The following PCDHGA11 variants were observed in gnomAD, a reference collection of about 807,000 sequenced individuals.
PCDHGA11 encodes the protein protocadherin gamma subfamily A, 11, also known as protocadherin gamma-A11.
Under a neutral mutation model 60.4 loss-of-function variants are expected in PCDHGA11, and 39 were observed. That is an observed-to-expected ratio of 0.65 (90% CI 0.50 to 0.84). The LOEUF is 0.84. PCDHGA11 is among the 40% of genes least tolerant of loss of function. PCDHGA11 has a pLI of 0.00. For synonymous variants in PCDHGA11, 533 were observed against 510.3 expected, an observed-to-expected ratio of 1.04 and a Z score of -0.60; for missense variants, 1,165 against 1,197.7, an observed-to-expected ratio of 0.97 and a Z score of 0.40.
intron 1 of PCDHGA11, among the ~76,000 whole-genome samples, chr5:141,439,043 G>T (rs1688170264): frequency 6.6e-6 from 1 of 151,346 alleles, no homozygotes; most frequent in Non-Finnish European, 1.5e-5. Flanking sequence ...CAGTTCATAA[G>T]ATTTCCATAT....
At chr5:141,497,214 G>C (rs929868102) in intron 2 of PCDHGA11, among the ~76,000 whole-genome samples, 2 of 152,138 alleles carry the variant, frequency 1.3e-5, no homozygotes, top group African/African-American at 4.8e-5. Flanking sequence ...TGTAATGGGG[G>C]GGGGAAGATC....
intron 3 of PCDHGA11, 118 bp downstream of exon 3, chr5:141,505,599 G>A (rs936757644): frequency 1.5e-5 from 23 of 1,555,468 alleles, no homozygotes; most frequent in South Asian, 2.4e-5. Flanking sequence ...CAGATCTTTC[G>A]GCAGGTCTGA....
chr5:141,512,702 C>T lies in PCDHGA11; in HGVS notation c.*1529C>T, dbSNP rs940927635. 2.0e-5 allele frequency: 3 copies of T among 152,828 alleles called. No homozygotes were observed. Among genetic ancestry groups the T allele is most frequent in the Non-Finnish European group, 2.9e-5 (2 of 68,560 alleles). The allele number at this position is 152,828 out of a possible 1,614,324, so 9.5% of individuals were successfully genotyped here. ...ATAGCCAGTAGTGTAGTGCGGTGTG[C>T]TTTTACGTGATGGCGGGTGGGCAGC... On this transcript the variant is annotated 3_prime_UTR_variant, in exon 4 of 4. Transcript: ENST00000398587.
At chr5:141,471,073 G>A (rs2099249169) in intron 1 of PCDHGA11, among the ~76,000 whole-genome samples, 2 of 143,298 alleles carry the variant, frequency 1.4e-5, no homozygotes, top group Non-Finnish European at 3.0e-5. Flanking sequence ...TTTTGAGACA[G>A]GGTCTCCCTC....
intron 1 of PCDHGA11, among the ~76,000 whole-genome samples, chr5:141,474,116 A>G (rs2099342954): frequency 1.3e-5 from 2 of 152,234 alleles, no homozygotes; most frequent in African/African-American, 4.8e-5. Flanking sequence ...AACAACAACG[A>G]AAATCTCAGA....
chr5:141,430,637 G>A (rs2097298854), intron 1 of PCDHGA11: 1 of 890,676 alleles, frequency 1.1e-6, no homozygotes, highest in Admixed American at 2.8e-5. Context: ...ACCATCCCTG[G>A]GAGTATGTGG....
rs908483513 is a variant in PCDHGA11, at chr5:141,421,422, C to A, written c.195C>A (p.Val65=). 1 of 1,614,086 alleles carries A rather than the reference C, an allele frequency of 6.2e-7. No homozygotes were observed. Among genetic ancestry groups the A allele is most frequent in the South Asian group, 1.1e-5 (1 of 91,088 alleles). The change falls in exon 1 of 4, where the codon GTC becomes GTA. Residue 65 remains valine (V), a synonymous_variant. Coordinates refer to ENST00000398587, the MANE Select transcript of PCDHGA11 (RefSeq NM_018914.3). ...LEPRELAKRG[V]RIVSRGKTQL... ...CCCGGGAGCTGGCGAAGCGCGGAGT[C>A]CGCATCGTCTCCAGAGGGAAGACAC...
rs1229623400 is a variant in PCDHGA11, at chr5:141,505,984, T to A, written c.2581+503T>A. 4.6e-5 allele frequency among the ~76,000 whole-genome samples: 7 copies of A among 152,198 alleles called. No homozygotes were observed. In the East Asian group the frequency reaches 1.4e-3, roughly 30 times the overall value. On this transcript the variant is annotated intron_variant, in intron 3 of 3. Coordinates refer to ENST00000398587, the MANE Select transcript of PCDHGA11 (RefSeq NM_018914.3). ...AGAAATCCCCAGCCGAGAGAACACC[T>A]CCTCTTTATGCGAGGCTCCTCTTTT...
rs756464724 is a variant in PCDHGA11, at chr5:141,478,476, A to T, written c.2434-16331A>T. The T allele has an allele frequency of 5.0e-6, 8 of 1,613,838 alleles. 1 individual carries two copies. The South Asian group carries it at 7.7e-5, about 16-fold the overall frequency. The stretch of plus-strand genomic sequence containing the variant: ...GCCAGTCCACTGGCCAGCCGCCAGA[A>T]CACGCTGCGGAGCTGTGATCCGGTG... On this transcript the variant is annotated intron_variant, in intron 1 of 3. Transcript: ENST00000398587.
intron 1 of PCDHGA11, among the ~76,000 whole-genome samples, chr5:141,484,211 G>A (rs1362875959): frequency 6.6e-6 from 1 of 152,158 alleles, no homozygotes; most frequent in Non-Finnish European, 1.5e-5. Context: ...ATGAACATTA[G>A]CATTCTGCCA....
At position 141,494,781 on chromosome 5, in the gene PCDHGA11, C is replaced by A. The variant is rs145360252; in HGVS notation, c.2434-26C>A. On this transcript the variant is annotated intron_variant, in intron 1 of 3. Coordinates refer to ENST00000398587, the MANE Select transcript of PCDHGA11 (RefSeq NM_018914.3). ...ATTCTAACTTCTCACGGGTACTCAG[C>A]CCCTTTCCCTCTGTTTTCTCCACAG... 6,156 of 1,614,074 alleles carry A rather than the reference C, an allele frequency of 3.8e-3. 13 individuals are homozygous for A. Among genetic ancestry groups the A allele is most frequent in the Middle Eastern group, 8.1e-3 (49 of 6,062 alleles).
intron 1 of PCDHGA11, among the ~76,000 whole-genome samples, chr5:141,483,007 C>T (rs938404755): frequency 1.3e-5 from 2 of 152,022 alleles, no homozygotes; most frequent in Non-Finnish European, 2.9e-5. Flanking sequence ...ATTGCTTGAA[C>T]CCGGGAGGCA....
At chr5:141,463,438 CTTTTTTTTTTTTT>C (rs71576115) in intron 1 of PCDHGA11, among the ~76,000 whole-genome samples, 4 of 103,254 alleles carry the variant, frequency 3.9e-5, no homozygotes, top group South Asian at 3.2e-4. Flanking sequence ...TTTCCTTCTC[CTTTTTTTTTTTTT>C]TTTTTTTTTT....
At chr5:141,456,220 T>C (rs965297694) in intron 1 of PCDHGA11, among the ~76,000 whole-genome samples, 1 of 152,098 alleles carries the variant, frequency 6.6e-6, no homozygotes, top group Admixed American at 6.6e-5. Context: ...TGTGGCGATA[T>C]CAAACTAACT....
intron 1 of PCDHGA11, among the ~76,000 whole-genome samples, chr5:141,482,435 A>G (rs2099559555): frequency 6.6e-6 from 1 of 150,568 alleles, no homozygotes; most frequent in South Asian, 2.1e-4. Flanking sequence ...GATAATACTG[A>G]TATTCACCAT....
chr5:141,482,591 A>G lies in PCDHGA11; in HGVS notation c.2434-12216A>G, dbSNP rs115650612. Among the ~76,000 whole-genome samples the G allele has an allele frequency of 6.3e-4, 95 of 151,838 alleles. 1 individual carries two copies. The highest frequency in any genetic ancestry group is 2.3e-3 in the African/African-American group (95 of 41,350). On this transcript the variant is annotated intron_variant, in intron 1 of 3. Coordinates refer to ENST00000398587, the MANE Select transcript of PCDHGA11 (RefSeq NM_018914.3). ...ATAGCATAAGATGCAGTGGGACCAA[A>G]CGGGAAAAAACACCTAAATGAGCCT...
intron 1 of PCDHGA11, chr5:141,427,790 C>G: frequency 6.7e-7 from 1 of 1,482,224 alleles, no homozygotes; most frequent in South Asian, 1.1e-5. Flanking sequence ...TGTCGTCCTA[C>G]GTGTCCGTGA....
At position 141,477,210 on chromosome 5, in the gene PCDHGA11, C is replaced by G. The variant is rs780852225; in HGVS notation, c.2434-17597C>G. 1.2e-6 allele frequency: 2 copies of G among 1,614,142 alleles called. No individual in the cohort carries two copies. The highest frequency in any genetic ancestry group is 1.7e-6 in the Non-Finnish European group (2 of 1,180,030). On this transcript the variant is annotated intron_variant, in intron 1 of 3. Coordinates refer to ENST00000398587, the MANE Select transcript of PCDHGA11 (RefSeq NM_018914.3). The surrounding 1 kb of genome is among the most constrained non-coding windows in gnomAD (Gnocchi z 4.9). ...GTGTACAGCCCAGTACCCGAGGATG[C>G]CCCTCTGGGGACTGTCATCGCTTTG...
At chr5:141,502,488 T>A (rs1273845698) in intron 2 of PCDHGA11, among the ~76,000 whole-genome samples, 1 of 152,236 alleles carries the variant, frequency 6.6e-6, no homozygotes, top group Non-Finnish European at 1.5e-5. Context: ...ACACTGGGAC[T>A]CATCTAACGT....
Sources: allele counts gnomAD v4.1 joint callset (sites outside exome capture counted in the v4.1 genomes callset), GRCh38; gene constraint gnomAD v4.1.1; non-coding constraint Gnocchi (gnomAD v3.1); transcripts MANE v1.5; gene names NCBI Gene and HGNC (gene_info 2026-07-23, HGNC 2026-07-21).